The following EVI5 variants were observed in gnomAD, a reference collection of about 807,000 sequenced individuals.
EVI5 encodes the protein ecotropic viral integration site 5 protein homolog.
EVI5 carries 73 observed loss-of-function variants against 112.0 expected under a neutral mutation model. The ratio of observed to expected loss-of-function variants is 0.65; its 90% CI spans 0.54 to 0.79. The LOEUF is 0.79. EVI5 is among the 30% of genes least tolerant of loss of function. EVI5 has a pLI of 0.00. For synonymous variants in EVI5, 305 were observed against 319.9 expected (o/e 0.95, Z 0.50); for missense variants, 900 against 968.8 (o/e 0.93, Z 0.94).
At chr1:92,680,023 G>A (rs1015755547) in intron 9 of EVI5, among the ~76,000 whole-genome samples, 27 of 152,174 alleles carry the variant, frequency 1.8e-4, no homozygotes, top group African/African-American at 6.3e-4. Flanking sequence ...TTTTAGACCC[G>A]CATTATGATT....
chr1:92,546,556 C>T (rs187039857), intron 19 of EVI5, among the ~76,000 whole-genome samples: 4 of 151,994 alleles, frequency 2.6e-5, no homozygotes, highest in Non-Finnish European at 4.4e-5. Context: ...ATTAACCGGG[C>T]ATGGTGGCAC....
intron 16 of EVI5, chr1:92,622,288 T>C (rs1353587014): frequency 4.5e-6 from 2 of 443,382 alleles, no homozygotes; most frequent in Admixed American, 2.5e-5. Context: ...CCTTTGTACT[T>C]GGTTTTACGC....
intron 1 of EVI5, among the ~76,000 whole-genome samples, chr1:92,761,051 C>T (rs1247136631): frequency 3.0e-5 from 3 of 99,914 alleles, no homozygotes; most frequent in African/African-American, 1.3e-4. Flanking sequence ...CAGCGAGGCT[C>T]CATCTCAAAA....
At chr1:92,526,139 GCCTCCA>G (rs1661833716) in intron 19 of EVI5, among the ~76,000 whole-genome samples, 1 of 152,128 alleles carries the variant, frequency 6.6e-6, no homozygotes, top group South Asian at 2.1e-4. Context: ...GCTCACTGCA[GCCTCCA>G]CCTCCCTGGC....
At chr1:92,756,316 G>T (rs564150492) in intron 1 of EVI5, 2 of 467,232 alleles carry the variant, frequency 4.3e-6, no homozygotes, top group Non-Finnish European at 8.7e-6. Context: ...GCTGGCCAAC[G>T]ATTTGCCTGG....
At chr1:92,625,567 A>T in intron 15 of EVI5, 1 of 388,458 alleles carries the variant, frequency 2.6e-6, no homozygotes, top group East Asian at 3.9e-5. Flanking sequence ...AATGACAAAA[A>T]TATTATCTGA....
intron 9 of EVI5, among the ~76,000 whole-genome samples, chr1:92,682,867 G>C (rs1204070626): frequency 2.0e-5 from 3 of 152,166 alleles, no homozygotes; most frequent in Non-Finnish European, 4.4e-5. Flanking sequence ...TTCTGCTCAT[G>C]TATCTGCTAA....
chr1:92,617,174 G>A (rs1653380979), intron 16 of EVI5, among the ~76,000 whole-genome samples: 1 of 152,232 alleles, frequency 6.6e-6, no homozygotes. Context: ...GGACATCCCT[G>A]AAGGACAGCG....
At chr1:92,709,504 C>T (rs2077529) in intron 2 of EVI5, among the ~76,000 whole-genome samples, 140,230 of 152,212 alleles carry the variant, frequency 0.92, 64,681 homozygotes, top group East Asian at 0.97. Flanking sequence ...TTATTTTGGG[C>T]ATATTTTATA....
intron 1 of EVI5, among the ~76,000 whole-genome samples, chr1:92,743,487 GAGACAGAAAGTAAAATGGTGGT>G (rs1558187031): frequency 6.6e-6 from 1 of 152,192 alleles, no homozygotes; most frequent in Non-Finnish European, 1.5e-5. Flanking sequence ...CAAATCCACA[GAGACAGAAAGTAAAATGGTGGT>G]TGCCATGGGA....
intron 13 of EVI5, among the ~76,000 whole-genome samples, chr1:92,661,855 A>T (rs1664071828): frequency 6.6e-6 from 1 of 152,182 alleles, no homozygotes; most frequent in Non-Finnish European, 1.5e-5. Flanking sequence ...AGATCTGCAT[A>T]GAGTTCCAGG....
rs1391680668 is a variant in EVI5 at position 92,638,050 on chromosome 1, C to T, written c.1393-1714G>A. On this transcript the variant is annotated intron_variant, in intron 13 of 19. Coordinates refer to ENST00000684568, the MANE Select transcript of EVI5 (RefSeq NM_001350197.2). The stretch of plus-strand genomic sequence containing the variant: ...TGTGCCATAATTTATTTAATTAGAT[C>T]ACAGTTATTTCGTGGGTACTGGAAG... 3.9e-5 allele frequency among the ~76,000 whole-genome samples: 6 copies of T among 152,240 alleles called. No individual in the cohort carries two copies. The South Asian group carries it at 1.0e-3, about 26-fold the overall frequency.
Position 92,758,283 on chromosome 1 carries a change from T to A in EVI5, c.-81-21656A>T, listed in dbSNP as rs139148033. Among the ~76,000 whole-genome samples the A allele has an allele frequency of 3.1e-4, 47 of 152,196 alleles. No individual in the cohort carries two copies. In the East Asian group the frequency reaches 8.9e-3, roughly 29 times the overall value. On this transcript the variant is annotated intron_variant, in intron 1 of 19. Coordinates refer to ENST00000684568, the MANE Select transcript of EVI5 (RefSeq NM_001350197.2). ...TTGTGATTTTGTTTTAAAAAGTTGG[T>A]TAAGGCTGGGCGCGGTGGCTCATAC...
intron 2 of EVI5, among the ~76,000 whole-genome samples, chr1:92,713,810 T>G (rs1292781643): frequency 6.6e-6 from 1 of 152,132 alleles, no homozygotes; most frequent in Non-Finnish European, 1.5e-5. Flanking sequence ...TTCTTCATTC[T>G]CATATCTCAG....
chr1:92,581,668 C>T (rs962232483), intron 18 of EVI5, among the ~76,000 whole-genome samples: 2 of 145,300 alleles, frequency 1.4e-5, no homozygotes, highest in African/African-American at 5.1e-5. Context: ...CTTTTCCTCT[C>T]AGGTTTATTG....
intron 19 of EVI5, among the ~76,000 whole-genome samples, chr1:92,532,703 T>C (rs1663082412): frequency 6.6e-6 from 1 of 152,052 alleles, no homozygotes; most frequent in Non-Finnish European, 1.5e-5. Context: ...AATAACAAAA[T>C]GAAGGCAGAA....
intron 10 of EVI5, among the ~76,000 whole-genome samples, chr1:92,675,854 G>A (rs1332749402): frequency 2.6e-5 from 4 of 151,570 alleles, no homozygotes; most frequent in African/African-American, 9.7e-5. Context: ...TACTTGGGAA[G>A]CTGAGGCAGG....
At chr1:92,643,645 T>C (rs1482296479) in intron 13 of EVI5, among the ~76,000 whole-genome samples, 1 of 152,154 alleles carries the variant, frequency 6.6e-6, no homozygotes, top group Non-Finnish European at 1.5e-5. Flanking sequence ...GAAGCAGTGA[T>C]CTACTAAAGA....
At chr1:92,740,750 A>G (rs148977374) in intron 1 of EVI5, among the ~76,000 whole-genome samples, 2 of 152,376 alleles carry the variant, frequency 1.3e-5, no homozygotes, top group East Asian at 3.9e-4. Context: ...ATAATTAAAG[A>G]TAGTACCTTA....
Sources: gnomAD v4.1 joint callset for allele counts (sites outside exome capture counted in the v4.1 genomes callset) on GRCh38, gnomAD v4.1.1 for gene constraint, MANE v1.5 for transcripts, NCBI Gene and HGNC (gene_info 2026-07-23, HGNC 2026-07-21) for gene names.